The following TJP2 variants were observed in gnomAD, a reference collection of about 807,000 sequenced individuals.
TJP2 encodes the protein tight junction protein 2.
In TJP2, 91 loss-of-function variants were observed where a neutral mutation model predicts 133.1. The observed-to-expected ratio is 0.68, with a 90% CI of 0.58 to 0.81. The LOEUF is 0.81. TJP2 is among the 40% of genes least tolerant of loss of function. The pLI is 0.00. For missense variants in TJP2, 1,541 were observed against 1,565.6 expected (o/e 0.98, Z 0.26); for synonymous variants, 592 against 583.4 (o/e 1.01, Z -0.21).
At chr9:69,174,530 C>T in intron 1 of TJP2, 98 bp downstream of exon 1, 3 of 1,335,614 alleles carry the variant, frequency 2.2e-6, no homozygotes, top group South Asian at 1.3e-5. Context: ...GAAGTTGTTC[C>T]CCGATGCGCC....
chr9:69,234,616 T>C, intron 12 of TJP2, 69 bp downstream of exon 12: 1 of 1,126,150 alleles, frequency 8.9e-7, no homozygotes, highest in Non-Finnish European at 1.3e-6. Flanking sequence ...GAGAGGTGTC[T>C]TGGTACCAGA....
Position 69,254,224 on chromosome 9 carries a change from G to GC in TJP2, c.3425dup (p.Gln1143ThrfsTer18). On this transcript the variant is annotated frameshift_variant, in exon 23 of 23. Transcript: ENST00000377245. LOFTEE classifies it high-confidence loss of function. ...TTTTTGTTAGTTCCAGACCCCCTGA[G>GC]CCACAGAAAGCTCCTTCCAGACCTT... The GC allele has an allele frequency of 6.2e-7, 1 of 1,614,206 alleles. No individual in the cohort carries two copies.
In TJP2 at chr9:69,240,041, T is replaced by C. The variant is rs112546379; in HGVS notation, c.2460T>C (p.Gly820=). 7.4e-6 allele frequency: 12 copies of C among 1,613,902 alleles called. No individual in the cohort carries two copies. Among genetic ancestry groups the C allele is most frequent in the African/African-American group, 6.7e-5 (5 of 74,848 alleles). Residue 820 remains glycine (G), a synonymous_variant, in exon 17 of 23, where the codon GGT becomes GGC. Coordinates refer to ENST00000377245, the MANE Select transcript of TJP2 (RefSeq NM_004817.4). ...VIFFNPDSRQ[G]VKTMRQRLNP... ...TTTTCAACCCAGACTCCAGACAAGG[T>C]GTCAAAACCATGAGACAAAGGTTAA...
rs936480701 is a variant in TJP2, at chr9:69,184,747, C to G, written c.60+10315C>G. 2.1e-5 allele frequency among the ~76,000 whole-genome samples: 3 copies of G among 141,704 alleles called. 1 individual carries two copies. The highest frequency in any genetic ancestry group is 4.4e-4 in the South Asian group (2 of 4,512). The allele number at this position is 141,704 out of a possible 152,430, so 93.0% of individuals were successfully genotyped here. ...AGTTCAGACTGATTTCTCTCTCTCT[C>G]TCTTCTTTTTTTTTTTTTTTTTTGA... On this transcript the variant is annotated intron_variant, in intron 1 of 22. Coordinates refer to ENST00000377245, the MANE Select transcript of TJP2 (RefSeq NM_004817.4).
chr9:69,170,484 C>G (rs1022892892), upstream of TJP2, among the ~76,000 whole-genome samples: 4 of 152,170 alleles, frequency 2.6e-5, no homozygotes, highest in African/African-American at 9.7e-5. Flanking sequence ...AGCCCACCAT[C>G]ATTGGACATT....
Position 69,244,450 on chromosome 9 carries a change from G to A in TJP2, c.2567-2240G>A, listed in dbSNP as rs570959155. On this transcript the variant is annotated intron_variant, in intron 17 of 22. Coordinates refer to ENST00000377245, the MANE Select transcript of TJP2 (RefSeq NM_004817.4). ...CACTGACCATACATGTCAGGGCTGG[G>A]CACACGTGCCCTCAGAACCTCAGTA... 2.6e-5 allele frequency among the ~76,000 whole-genome samples: 4 copies of A among 152,210 alleles called. No homozygotes were observed. In the South Asian group the frequency reaches 8.3e-4, roughly 32 times the overall value.
chr9:69,238,667 G>A (rs1204962610), intron 15 of TJP2, 43 bp from the exon 16 acceptor site: 10 of 1,541,660 alleles, frequency 6.5e-6, no homozygotes, highest in Non-Finnish European at 8.9e-6. Flanking sequence ...GGTTGTCACT[G>A]TTTTCTAAAC....
rs73452912 is a variant in TJP2 at position 69,242,046 on chromosome 9, C to T, written c.2566+1899C>T. On this transcript the variant is annotated intron_variant, in intron 17 of 22. Transcript: ENST00000377245. ...CCCTCAGAGAGTTAAATTTGGGATT[C>T]ACGTGAGGATGTAGGAAATCGGGAA... 1.6e-3 allele frequency among the ~76,000 whole-genome samples: 249 copies of T among 152,278 alleles called. 3 individuals carry two copies. Among genetic ancestry groups the T allele is most frequent in the African/African-American group, 5.7e-3 (238 of 41,554 alleles).
chr9:69,171,789 A>ATTTTTTTTTTTTTTTTTTTTTTTT (rs34717893), upstream of TJP2, among the ~76,000 whole-genome samples: 1 of 86,758 alleles, frequency 1.2e-5, no homozygotes. Flanking sequence ...GAGTAGAAGA[A>ATTTTTTTTTTTTTTTTTTTTTTTT]TTTTTTTTTT....
intron 1 of TJP2, chr9:69,205,149 A>G (rs922560496): frequency 5.9e-6 from 9 of 1,537,072 alleles, no homozygotes; most frequent in Non-Finnish European, 7.8e-6. Flanking sequence ...TGGCCCATGC[A>G]TCTCCAGAGA....
At chr9:69,172,305 G>C (rs1342714954), upstream of TJP2, among the ~76,000 whole-genome samples, 3 of 152,182 alleles carry the variant, frequency 2.0e-5, no homozygotes, top group South Asian at 4.1e-4. Context: ...CCAGAAGAAT[G>C]GAGTTTGTCT....
chr9:69,134,671 C>A (rs895377214), intron 1 of TJP2, among the ~76,000 whole-genome samples: 2 of 152,210 alleles, frequency 1.3e-5, no homozygotes, highest in African/African-American at 2.4e-5. Context: ...GGAAGTACCA[C>A]CCAGCGAGCT....
At chr9:69,230,785 T>TA (rs1256228674) in intron 11 of TJP2, among the ~76,000 whole-genome samples, 3 of 152,224 alleles carry the variant, frequency 2.0e-5, no homozygotes, top group Non-Finnish European at 4.4e-5. Context: ...AGGTAACACT[T>TA]ACAAGGCACC....
At chr9:69,184,858 C>T (rs1825746885) in intron 1 of TJP2, among the ~76,000 whole-genome samples, 1 of 117,830 alleles carries the variant, frequency 8.5e-6, no homozygotes, top group Non-Finnish European at 1.9e-5. Context: ...TCAAGTGATC[C>T]TCTCACCTCA....
chr9:69,207,929 A>ACG (rs1170619597), intron 1 of TJP2, among the ~76,000 whole-genome samples: 2 of 152,194 alleles, frequency 1.3e-5, no homozygotes, highest in Non-Finnish European at 2.9e-5. Context: ...CAGGAAAGAC[A>ACG]CTCAGTAGTT....
intron 2 of TJP2, among the ~76,000 whole-genome samples, chr9:69,214,625 T>G (rs928395434): frequency 6.6e-6 from 1 of 152,026 alleles, no homozygotes; most frequent in African/African-American, 2.4e-5. Context: ...TCCCCACACT[T>G]TGGGAGGCAG....
intron 5 of TJP2, among the ~76,000 whole-genome samples, chr9:69,223,472 TAATTTTTTGTGTTTTAAGTAG>T (rs1470236904): frequency 6.6e-6 from 1 of 152,136 alleles, no homozygotes; most frequent in African/African-American, 2.4e-5. Flanking sequence ...CACACCCGGC[TAATTTTTTGTGTTTTAAGTAG>T]AGACGGGGTT....
At chr9:69,178,388 A>C (rs1825249641) in intron 1 of TJP2, among the ~76,000 whole-genome samples, 1 of 152,226 alleles carries the variant, frequency 6.6e-6, no homozygotes, top group South Asian at 2.1e-4. Flanking sequence ...TATTAAGTAA[A>C]GCAGTGAGTT....
upstream of TJP2, among the ~76,000 whole-genome samples, chr9:69,171,945 G>A (rs977362853): frequency 6.6e-6 from 1 of 151,934 alleles, no homozygotes; most frequent in African/African-American, 2.4e-5. Context: ...ACAGGCGTGC[G>A]CCACCACGCC....
Sources: gnomAD v4.1 joint callset for allele counts (sites outside exome capture counted in the v4.1 genomes callset) on GRCh38, gnomAD v4.1.1 for gene constraint, MANE v1.5 for transcripts, NCBI Gene and HGNC (gene_info 2026-07-23, HGNC 2026-07-21) for gene names.